NRXN1: variants seen among roughly 807,000 people sequenced by gnomAD.
The protein encoded by NRXN1 is neurexin 1.
Under a neutral mutation model 150.9 loss-of-function variants are expected in NRXN1, and 39 were observed. The observed-to-expected ratio is 0.26, with a 90% CI of 0.20 to 0.34. NRXN1 has a LOEUF of 0.34. Ranked by LOEUF, NRXN1 falls within the 10% of genes least tolerant of loss-of-function variation. NRXN1 has a pLI of 1.00. For missense variants in NRXN1, 1,815 were observed against 1,949.9 expected, an observed-to-expected ratio of 0.93 and a Z score of 1.30; for synonymous variants, 924 against 757.0, an observed-to-expected ratio of 1.22 and a Z score of -3.62.
intron 22 of NRXN1, among the ~76,000 whole-genome samples, chr2:49,925,964 T>A (rs112218898): frequency 2.1e-4 from 32 of 152,310 alleles, no homozygotes; most frequent in Non-Finnish European, 3.7e-4. Flanking sequence ...ATTAAGCCGA[T>A]GTAGCCAGTT....
At chr2:50,376,701 G>A (rs74346529) in intron 17 of NRXN1, among the ~76,000 whole-genome samples, 2,415 of 152,182 alleles carry the variant, frequency 0.016, 72 homozygotes, top group African/African-American at 0.055. Flanking sequence ...TCTCTGTGGC[G>A]GATGACTGAT....
At chr2:50,009,106 G>T (rs1011493524) in intron 21 of NRXN1, among the ~76,000 whole-genome samples, 1 of 152,032 alleles carries the variant, frequency 6.6e-6, no homozygotes. Flanking sequence ...AGCCTCCTTG[G>T]AGCATTTTTA....
intron 13 of NRXN1, among the ~76,000 whole-genome samples, chr2:50,505,586 T>C (rs892733991): frequency 8.5e-5 from 13 of 152,162 alleles, no homozygotes; most frequent in Non-Finnish European, 1.3e-4. Context: ...AGACCAAAAC[T>C]AATTGAACTC....
chr2:50,596,905 T>C (rs1675325579), intron 8 of NRXN1, among the ~76,000 whole-genome samples: 1 of 149,182 alleles, frequency 6.7e-6, no homozygotes, highest in Non-Finnish European at 1.5e-5. Flanking sequence ...CTCGCTCTGT[T>C]ACCCAGGCTG....
At chr2:50,553,427 T>G (rs74788958) in intron 8 of NRXN1, among the ~76,000 whole-genome samples, 3,285 of 152,326 alleles carry the variant, frequency 0.022, 46 homozygotes, top group Non-Finnish European at 0.036. Context: ...CTGAGGTTAT[T>G]CAGTTTTCCC....
Position 50,663,404 on chromosome 2 carries a change from T to C in NRXN1, c.833-39789A>G, listed in dbSNP as rs554923228. Among the ~76,000 whole-genome samples the C allele has an allele frequency of 7.0e-4, 106 of 152,152 alleles. 1 individual carries two copies. Among genetic ancestry groups the C allele is most frequent in the Admixed American group, 6.3e-3 (96 of 15,262 alleles). On this transcript the variant is annotated intron_variant, in intron 5 of 22. Coordinates refer to ENST00000401669, the MANE Select transcript of NRXN1 (RefSeq NM_001330078.2). ...GGTTTTTGTTTGAGCTTCAGCTCTGTTCCCTCTGTTTTCAGTTTATTGACC... is the reference window on the plus strand; with the variant it reads ...GGTTTTTGTTTGAGCTTCAGCTCTGCTCCCTCTGTTTTCAGTTTATTGACC...
In NRXN1 at chr2:50,681,206, A is replaced by G. The variant is rs149925712; in HGVS notation, c.833-57591T>C. ...ATTGGCCCCACCTTAGGTGAATTAA[A>G]CCAACAACATCAACAGGGAAAAATG... On this transcript the variant is annotated intron_variant, in intron 5 of 22. Coordinates refer to ENST00000401669, the MANE Select transcript of NRXN1 (RefSeq NM_001330078.2). Among the ~76,000 whole-genome samples, 14 of 152,332 alleles carry G rather than the reference A, an allele frequency of 9.2e-5. No homozygotes were observed. In the East Asian group the frequency reaches 2.1e-3, roughly 23 times the overall value.
intron 8 of NRXN1, among the ~76,000 whole-genome samples, chr2:50,588,226 C>A (rs1673490253): frequency 6.6e-6 from 1 of 152,096 alleles, no homozygotes; most frequent in Admixed American, 6.6e-5. Context: ...GCAAATTCCG[C>A]AAATGAATAA....
intron 2 of NRXN1, among the ~76,000 whole-genome samples, chr2:50,974,566 T>A (rs1237805572): frequency 6.6e-6 from 1 of 152,096 alleles, no homozygotes; most frequent in Non-Finnish European, 1.5e-5. Flanking sequence ...AGATTTTTAG[T>A]CTCATCATAG....
chr2:50,876,662 T>A (rs147836100), intron 5 of NRXN1, among the ~76,000 whole-genome samples: 272 of 151,976 alleles, frequency 1.8e-3, no homozygotes, highest in African/African-American at 6.3e-3. Context: ...GTAATTCTAA[T>A]GAGATCAAAT....
chr2:50,175,702 T>A (rs1412167763), intron 18 of NRXN1, among the ~76,000 whole-genome samples: 1 of 152,084 alleles, frequency 6.6e-6, no homozygotes, highest in Non-Finnish European at 1.5e-5. Context: ...ATTTTATGTA[T>A]AAGAGATTCA....
At chr2:50,951,609 AT>A (rs1400685892) in intron 2 of NRXN1, among the ~76,000 whole-genome samples, 5 of 152,092 alleles carry the variant, frequency 3.3e-5, no homozygotes, top group Non-Finnish European at 5.9e-5. Context: ...TCAAAAAAAA[AT>A]GTCACCAACT....
At chr2:50,343,475 C>A (rs1368742519) in intron 17 of NRXN1, among the ~76,000 whole-genome samples, 2 of 151,414 alleles carry the variant, frequency 1.3e-5, no homozygotes, top group African/African-American at 2.4e-5. Context: ...AAAAAAAAAA[C>A]ACAATTTTTC....
intron 5 of NRXN1, among the ~76,000 whole-genome samples, chr2:50,648,326 G>A (rs1685114378): frequency 6.6e-6 from 1 of 151,954 alleles, no homozygotes; most frequent in South Asian, 2.1e-4. Context: ...TTTCCATCAT[G>A]CTTTTGTCAG....
At chr2:50,683,955 A>G (rs1033808104) in intron 5 of NRXN1, among the ~76,000 whole-genome samples, 2 of 151,958 alleles carry the variant, frequency 1.3e-5, no homozygotes, top group Admixed American at 1.3e-4. Context: ...ACTTCTGTAA[A>G]TACATCTTCC....
intron 18 of NRXN1, among the ~76,000 whole-genome samples, chr2:50,099,116 C>G (rs939382951): frequency 9.2e-5 from 14 of 151,940 alleles, no homozygotes; most frequent in Non-Finnish European, 1.6e-4. Flanking sequence ...TATTAACTTC[C>G]TGGAGGCTTA....
intron 18 of NRXN1, among the ~76,000 whole-genome samples, chr2:50,159,809 A>C (rs2059251596): frequency 6.6e-6 from 1 of 152,212 alleles, no homozygotes. Flanking sequence ...CAAAAAAGTT[A>C]ACTTGGGACA....
chr2:50,122,882 A>C (rs1704059133), intron 18 of NRXN1, among the ~76,000 whole-genome samples: 1 of 152,174 alleles, frequency 6.6e-6, no homozygotes, highest in Middle Eastern at 3.2e-3. Flanking sequence ...TTTGTCTAGC[A>C]CATCTATTGA....
intron 17 of NRXN1, among the ~76,000 whole-genome samples, chr2:50,293,323 C>T (rs2682003): frequency 0.83 from 126,548 of 151,914 alleles, 52,794 homozygotes; most frequent in Middle Eastern, 0.89. Flanking sequence ...TAGTTCTCGG[C>T]CCAAAGTGCC....
Sources: allele counts gnomAD v4.1 joint callset (sites outside exome capture counted in the v4.1 genomes callset), GRCh38; gene constraint gnomAD v4.1.1; transcripts MANE v1.5; gene names NCBI Gene and HGNC (gene_info 2026-07-23, HGNC 2026-07-21).